MTHFD2L: variants seen among roughly 807,000 people sequenced by gnomAD.
The protein encoded by MTHFD2L is bifunctional methylenetetrahydrofolate dehydrogenase/cyclohydrolase 2, mitochondrial.
In MTHFD2L, 29 loss-of-function variants were observed where a neutral mutation model predicts 34.9. The observed-to-expected ratio is 0.83, with a 90% CI of 0.62 to 1.13. MTHFD2L has a LOEUF of 1.13. MTHFD2L is among the 50% of genes most tolerant of loss of function. The pLI, the probability that MTHFD2L is intolerant of heterozygous loss-of-function variation, is 0.00. For missense variants in MTHFD2L, 481 were observed against 446.5 expected, an observed-to-expected ratio of 1.08 and a Z score of -0.70; for synonymous variants, 167 against 155.7, an observed-to-expected ratio of 1.07 and a Z score of -0.54.
At position 74,191,609 on chromosome 4, in the gene MTHFD2L, G is replaced by T. The variant is rs572407179; in HGVS notation, c.452-8185G>T. ...ACTGTTGCCTGGGCTGGAGTGCATT[G>T]GCTTGATCTCAGCTCACTGCAACCT... On this transcript the variant is annotated intron_variant, in intron 3 of 7. Transcript: ENST00000325278. Among the ~76,000 whole-genome samples, 3 of 151,938 alleles carry T rather than the reference G, an allele frequency of 2.0e-5. No homozygotes were observed. In the East Asian group the frequency reaches 5.8e-4, roughly 30 times the overall value.
chr4:74,151,057 A>G (rs1321825330), intron 1 of MTHFD2L, among the ~76,000 whole-genome samples: 2 of 152,074 alleles, frequency 1.3e-5, no homozygotes, highest in Non-Finnish European at 2.9e-5. Flanking sequence ...GAGGAATTAG[A>G]AAAAAGACAA....
At chr4:74,159,847 A>G (rs990354399) in intron 1 of MTHFD2L, among the ~76,000 whole-genome samples, 1 of 152,222 alleles carries the variant, frequency 6.6e-6, no homozygotes, top group African/African-American at 2.4e-5. Context: ...TAAAAAAAGT[A>G]ATATATTTTG....
intron 5 of MTHFD2L, among the ~76,000 whole-genome samples, chr4:74,203,959 G>T (rs372380246): frequency 6.6e-6 from 1 of 150,618 alleles, no homozygotes; most frequent in Non-Finnish European, 1.5e-5. Context: ...ACAGTGTATT[G>T]CTCCGTGATT....
intron 6 of MTHFD2L, among the ~76,000 whole-genome samples, chr4:74,231,901 A>G (rs1233690384): frequency 6.6e-6 from 1 of 152,162 alleles, no homozygotes; most frequent in Non-Finnish European, 1.5e-5. Context: ...AATAAAGAAT[A>G]TTTAACACTT....
chr4:74,244,094 A>G (rs1742087326), intron 6 of MTHFD2L, among the ~76,000 whole-genome samples: 1 of 152,190 alleles, frequency 6.6e-6, no homozygotes. Flanking sequence ...GAGTGAAGTC[A>G]TTTGTTACAT....
intron 5 of MTHFD2L, chr4:74,224,017 G>T (rs1362579024): frequency 6.6e-6 from 1 of 152,042 alleles, no homozygotes; most frequent in Middle Eastern, 3.2e-3. Flanking sequence ...ATCATTGAAT[G>T]AGTTGGATTT....
chr4:74,181,528 G>A (rs1021811921), intron 3 of MTHFD2L, among the ~76,000 whole-genome samples: 6 of 152,112 alleles, frequency 3.9e-5, no homozygotes, highest in African/African-American at 1.2e-4. Flanking sequence ...AGCATCCTTC[G>A]TACCATAGTC....
At chr4:74,221,346 G>T (rs953823524) in intron 5 of MTHFD2L, among the ~76,000 whole-genome samples, 2 of 151,612 alleles carry the variant, frequency 1.3e-5, no homozygotes, top group Non-Finnish European at 3.0e-5. Context: ...TCCTTGATCT[G>T]TCATGAACTG....
At chr4:74,251,188 C>T (rs564418769) in intron 6 of MTHFD2L, among the ~76,000 whole-genome samples, 1 of 152,128 alleles carries the variant, frequency 6.6e-6, no homozygotes, top group East Asian at 1.9e-4. Context: ...CTGTCATGTT[C>T]ATTTCTCCAA....
At chr4:74,158,080 C>T, upstream of MTHFD2L, 3 of 1,532,256 alleles carry the variant, frequency 2.0e-6, no homozygotes, top group Middle Eastern at 1.7e-4. Flanking sequence ...GGCCTCCAGC[C>T]GCGAGGACTG....
At chr4:74,252,693 C>T (rs1228228609) in intron 6 of MTHFD2L, among the ~76,000 whole-genome samples, 1 of 151,978 alleles carries the variant, frequency 6.6e-6, no homozygotes, top group Non-Finnish European at 1.5e-5. Context: ...ATAAACTGAA[C>T]TCATCCCAGA....
intron 6 of MTHFD2L, among the ~76,000 whole-genome samples, chr4:74,225,967 G>A (rs1458089125): frequency 6.6e-6 from 1 of 151,992 alleles, no homozygotes; most frequent in East Asian, 1.9e-4. Flanking sequence ...GTTTGGTCTG[G>A]AAGAAAGTAT....
chr4:74,253,081 A>G (rs1484798336), intron 6 of MTHFD2L, among the ~76,000 whole-genome samples: 1 of 152,132 alleles, frequency 6.6e-6, no homozygotes, highest in Admixed American at 6.5e-5. Flanking sequence ...TTTGAGGAAA[A>G]AAATTAATTT....
intron 5 of MTHFD2L, among the ~76,000 whole-genome samples, chr4:74,221,079 T>C (rs1738096290): frequency 6.6e-6 from 1 of 151,226 alleles, no homozygotes; most frequent in South Asian, 2.1e-4. Context: ...TTTAAAAGAA[T>C]TTTTAAAAAC....
At chr4:74,238,085 C>T (rs1741117372) in intron 6 of MTHFD2L, among the ~76,000 whole-genome samples, 1 of 152,096 alleles carries the variant, frequency 6.6e-6, no homozygotes, top group South Asian at 2.1e-4. Context: ...ATAGCATCAG[C>T]ATATCTAATT....
intron 1 of MTHFD2L, among the ~76,000 whole-genome samples, chr4:74,174,187 TAATC>T (rs1390919550): frequency 1.3e-5 from 2 of 152,110 alleles, no homozygotes; most frequent in African/African-American, 4.8e-5. Flanking sequence ...CCTCATGGTG[TAATC>T]ACCACCCAAA....
chr4:74,224,154 G>A (rs1738737607), intron 5 of MTHFD2L: 1 of 152,088 alleles, frequency 6.6e-6, no homozygotes, highest in Non-Finnish European at 1.5e-5. Flanking sequence ...CTATGTAAGT[G>A]TGTTCCCACC....
chr4:74,300,033 G>A (rs532416459), intron 7 of MTHFD2L, among the ~76,000 whole-genome samples: 20 of 152,102 alleles, frequency 1.3e-4, no homozygotes, highest in South Asian at 8.3e-4. Flanking sequence ...AGCAAAGGAA[G>A]AAAGGACTAA....
At chr4:74,246,238 G>A (rs1742427238) in intron 6 of MTHFD2L, among the ~76,000 whole-genome samples, 2 of 151,752 alleles carry the variant, frequency 1.3e-5, no homozygotes, top group South Asian at 4.2e-4. Context: ...GTGATGATGA[G>A]CATTTTTTCG....
Sources: allele counts gnomAD v4.1 joint callset (sites outside exome capture counted in the v4.1 genomes callset), GRCh38; gene constraint gnomAD v4.1.1; transcripts MANE v1.5; gene names NCBI Gene and HGNC (gene_info 2026-07-23, HGNC 2026-07-21).